The following AP2B1 variants were observed in gnomAD, a reference collection of about 807,000 sequenced individuals.
AP2B1 encodes AP-2 complex subunit beta.
AP2B1 carries 23 observed loss-of-function variants against 102.0 expected under a neutral mutation model. The ratio of observed to expected loss-of-function variants is 0.23; its 90% confidence interval spans 0.16 to 0.32. AP2B1 has a LOEUF of 0.32. Ranked by LOEUF, AP2B1 falls within the 10% of genes least tolerant of loss-of-function variation. AP2B1 has a pLI of 1.00. For missense variants in AP2B1, 541 were observed against 1,157.4 expected, an observed-to-expected ratio of 0.47 and a Z score of 7.73; for synonymous variants, 381 against 421.2, an observed-to-expected ratio of 0.90 and a Z score of 1.17.
Position 35,684,524 on chromosome 17 carries a change from C to A in AP2B1, c.2454+1700C>A, listed in dbSNP as rs587684518. On this transcript the variant is annotated intron_variant, in intron 18 of 21. Coordinates refer to ENST00000610402, the MANE Select transcript of AP2B1 (RefSeq NM_001030006.2). ...TGCCAGTTCACTAACTACCTTGTTG[C>A]CACAGTAGTTGACTGCCTTTTTTTC... is the stretch of plus-strand genomic sequence containing the variant. Among the ~76,000 whole-genome samples the A allele has an allele frequency of 2.0e-5, 3 of 152,268 alleles. No individual in the cohort carries two copies. In the East Asian group the frequency reaches 5.8e-4, roughly 29 times the overall value.
intron 18 of AP2B1, among the ~76,000 whole-genome samples, chr17:35,697,834 C>T (rs921845157): frequency 6.6e-6 from 1 of 152,068 alleles, no homozygotes; most frequent in Admixed American, 6.6e-5. Context: ...TAGTGGCATG[C>T]GCCTGTAGTC....
At chr17:35,696,809 C>T (rs1384816085) in intron 18 of AP2B1, among the ~76,000 whole-genome samples, 1 of 152,210 alleles carries the variant, frequency 6.6e-6, no homozygotes, top group Non-Finnish European at 1.5e-5. Context: ...TTTATTACCA[C>T]CTCCTGCTCC....
At chr17:35,689,681 A>T (rs910368929) in intron 18 of AP2B1, among the ~76,000 whole-genome samples, 2 of 152,180 alleles carry the variant, frequency 1.3e-5, no homozygotes, top group Non-Finnish European at 2.9e-5. Context: ...ACACTGTTTA[A>T]TATGATAGCC....
rs114146550 is a variant in AP2B1, at chr17:35,652,102, C to T, written c.1796+1313C>T. On this transcript the variant is annotated intron_variant, in intron 13 of 21. Coordinates refer to ENST00000610402, the MANE Select transcript of AP2B1 (RefSeq NM_001030006.2). ...GGGAGAGAACCAACATTTAAACTGT[C>T]TAAAAAGAAAGTGTCTTACATAAGG... Among the ~76,000 whole-genome samples the T allele has an allele frequency of 4.0e-3, 606 of 152,286 alleles. 5 individuals are homozygous for T. The highest frequency in any genetic ancestry group is 0.014 in the African/African-American group (581 of 41,576).
At chr17:35,655,444 CT>C (rs2075195436) in intron 13 of AP2B1, among the ~76,000 whole-genome samples, 1 of 152,166 alleles carries the variant, frequency 6.6e-6, no homozygotes, top group African/African-American at 2.4e-5. Flanking sequence ...TTTTACTCTT[CT>C]GTGTCTTGTG....
intron 9 of AP2B1, among the ~76,000 whole-genome samples, chr17:35,629,730 A>C (rs530960992): frequency 2.0e-5 from 3 of 152,348 alleles, no homozygotes; most frequent in East Asian, 1.9e-4. Flanking sequence ...GCTGTCGACT[A>C]TCAGGTTTCT....
chr17:35,611,133 T>C (rs2073850289), intron 5 of AP2B1, among the ~76,000 whole-genome samples: 1 of 152,206 alleles, frequency 6.6e-6, no homozygotes, highest in Admixed American at 6.5e-5. Flanking sequence ...ACAGAATGTT[T>C]AGCTGGCACC....
At chr17:35,616,548 T>A (rs2074027633) in intron 5 of AP2B1, among the ~76,000 whole-genome samples, 1 of 152,188 alleles carries the variant, frequency 6.6e-6, no homozygotes, top group Non-Finnish European at 1.5e-5. Flanking sequence ...TCATATACGC[T>A]TCAGTCAGTT....
In AP2B1 at chr17:35,725,962, TG is replaced by T. The variant is rs1284245466; in HGVS notation, c.*2264del. 3.9e-5 allele frequency: 6 copies of T among 152,310 alleles called. No individual in the cohort carries two copies. Among genetic ancestry groups the T allele is most frequent in the South Asian group, 4.1e-4 (2 of 4,826 alleles). 9.4% of individuals were successfully genotyped at this position (152,310 alleles called of 1,614,324 possible). ...GGGAAGCCACCTCCCATCACACCCC[TG>T]AGCAGAGTTAGGGAGGAATTCTACT... On this transcript the variant is annotated 3_prime_UTR_variant, in exon 22 of 22. Transcript: ENST00000610402.
intron 1 of AP2B1, chr17:35,587,858 T>C (rs1016481744): frequency 1.3e-5 from 2 of 152,102 alleles, no homozygotes; most frequent in African/African-American, 4.8e-5. Context: ...GGTTTGCTCA[T>C]TGATGGGCGA....
chr17:35,608,734 T>C (rs2073769336), intron 5 of AP2B1, among the ~76,000 whole-genome samples: 4 of 152,204 alleles, frequency 2.6e-5, no homozygotes, highest in Admixed American at 2.6e-4. Flanking sequence ...TGGTATTTTC[T>C]GGTGGTGTGG....
chr17:35,652,636 T>G (rs909406104), intron 13 of AP2B1, among the ~76,000 whole-genome samples: 5 of 152,216 alleles, frequency 3.3e-5, no homozygotes, highest in African/African-American at 1.2e-4. Context: ...GTCTTTATAT[T>G]AATTTTCTTA....
At chr17:35,712,636 A>G (rs986813058) in intron 20 of AP2B1, among the ~76,000 whole-genome samples, 7 of 152,262 alleles carry the variant, frequency 4.6e-5, no homozygotes, top group African/African-American at 1.7e-4. Flanking sequence ...CTCAAAAAAA[A>G]AATAAAAATA....
intron 12 of AP2B1, among the ~76,000 whole-genome samples, chr17:35,642,281 G>C (rs760047649): frequency 5.7e-5 from 8 of 141,480 alleles, no homozygotes; most frequent in Non-Finnish European, 9.3e-5. Context: ...CTGCTTCACT[G>C]TGACTTCATT....
At chr17:35,709,944 A>G (rs186448520) in intron 19 of AP2B1, among the ~76,000 whole-genome samples, 1 of 152,354 alleles carries the variant, frequency 6.6e-6, no homozygotes, top group Non-Finnish European at 1.5e-5. Context: ...AATTATAGAT[A>G]AAGAAATTAA....
intron 3 of AP2B1, among the ~76,000 whole-genome samples, chr17:35,601,550 T>G (rs1567781020): frequency 6.6e-6 from 1 of 152,222 alleles, no homozygotes; most frequent in Non-Finnish European, 1.5e-5. Flanking sequence ...ATTACAGGCA[T>G]GAGCCACCAT....
chr17:35,612,186 TA>T (rs1262476221), intron 5 of AP2B1, among the ~76,000 whole-genome samples: 1 of 152,222 alleles, frequency 6.6e-6, no homozygotes, highest in African/African-American at 2.4e-5. Flanking sequence ...ACTTTTCTGA[TA>T]TTGTTTGACT....
At position 35,657,794 on chromosome 17, in the gene AP2B1, A is replaced by G. The variant is rs1234762571; in HGVS notation, c.1989+3A>G. On this transcript the variant is annotated splice_donor_region_variant and intron_variant, in intron 14 of 21. Transcript: ENST00000610402. ...TAGGAGGAGGACTAGATAGTCTGGT[A>G]AGCATCTTTCTTCCCTTGTTCTTTT... The G allele has an allele frequency of 1.9e-6, 3 of 1,608,226 alleles. No homozygotes were observed. In the South Asian group the frequency reaches 3.3e-5, roughly 18 times the overall value.
At chr17:35,619,910 G>T (rs1306264688) in intron 5 of AP2B1, among the ~76,000 whole-genome samples, 1 of 151,918 alleles carries the variant, frequency 6.6e-6, no homozygotes, top group African/African-American at 2.4e-5. Flanking sequence ...TCAGCCTCCC[G>T]AGTAGCTGGG....
Sources: gnomAD v4.1 joint callset for allele counts (sites outside exome capture counted in the v4.1 genomes callset) on GRCh38, gnomAD v4.1.1 for gene constraint, MANE v1.5 for transcripts, NCBI Gene and HGNC (gene_info 2026-07-23, HGNC 2026-07-21) for gene names.